ZNF473: variants seen among roughly 807,000 people sequenced by gnomAD.
ZNF473 encodes zinc finger protein 473.
A neutral mutation model predicts 11.1 loss-of-function variants in ZNF473; 4 were observed. That is an observed-to-expected ratio of 0.36 (90% CI 0.18 to 0.82). The LOEUF (loss-of-function observed/expected upper bound fraction) is 0.82. Ranked by LOEUF, ZNF473 falls within the 40% of genes least tolerant of loss-of-function variation. ZNF473 has a pLI of 0.49. For synonymous variants in ZNF473, 404 were observed against 390.4 expected, an observed-to-expected ratio of 1.03 and a Z score of -0.41; for missense variants, 854 against 1,084.0, an observed-to-expected ratio of 0.79 and a Z score of 2.98.
intron 1 of ZNF473, among the ~76,000 whole-genome samples, chr19:50,029,027 T>A (rs1422263943): frequency 2.6e-5 from 4 of 152,272 alleles, no homozygotes; most frequent in African/African-American, 7.2e-5. Flanking sequence ...GGGTATTTTT[T>A]AAATATAACT....
chr19:50,030,247 A>G (rs976916850), intron 1 of ZNF473, among the ~76,000 whole-genome samples: 12 of 152,308 alleles, frequency 7.9e-5, no homozygotes, highest in African/African-American at 2.6e-4. Context: ...GTGGCTCACA[A>G]CTGTAATCCC....
At chr19:50,044,569 C>A (rs1600761603) in intron 4 of ZNF473, 101 bp from the exon 5 acceptor site, 1 of 969,960 alleles carries the variant, frequency 1.0e-6, no homozygotes, top group Non-Finnish European at 1.6e-6. Context: ...CCCTTTGGGT[C>A]CCTTGATGGA....
rs774145648 is a variant in ZNF473, at chr19:50,039,235, G to A, written c.84G>A (p.Gly28=). 1.9e-5 allele frequency: 31 copies of A among 1,614,146 alleles called. No homozygotes were observed. The highest frequency in any genetic ancestry group is 2.6e-5 in the Non-Finnish European group (31 of 1,179,994). ...GDWEQLGLEQ[G]DTFWDTALDN... is the part of the protein sequence containing the mutation. ...GGGAGCAGCTCGGGCTGGAACAGGG[G>A]GACACGTTCTGGGACACAGCGTTGG... is the stretch of plus-strand genomic sequence containing the variant. The change falls in exon 3 of 5, where the codon GGG becomes GGA. Residue 28 remains glycine, a synonymous_variant. Transcript: ENST00000270617. The surrounding 1 kb of genome is among the most constrained non-coding windows in gnomAD (Gnocchi z 4.8).
In ZNF473 at chr19:50,044,856, C is replaced by T; in HGVS notation, c.413C>T (p.Ala138Val). Reference sequence around the variant, plus strand: ...GAAAGTCTTCTGAGGTCTGATATTGCCACCAACGGGGAAAGTCCCACGGAA... The same window carrying T: ...GAAAGTCTTCTGAGGTCTGATATTGTCACCAACGGGGAAAGTCCCACGGAA... ...DPESLLRSDI[A>V]TNGESPTECK... The change falls in exon 5 of 5, where the codon GCC (alanine) becomes GTC (valine). Residue 138 changes from alanine (A) to valine (V), a missense_variant. Physicochemically the swap from Ala to Val is moderately conservative, Grantham distance 64 (BLOSUM62 0). Coordinates refer to ENST00000270617, the MANE Select transcript of ZNF473 (RefSeq NM_015428.4). 4 of 1,614,186 alleles carry T rather than the reference C, an allele frequency of 2.5e-6. No homozygotes were observed. The highest frequency in any genetic ancestry group is 1.6e-4 in the Middle Eastern group (1 of 6,062).
At chr19:50,028,902 C>T (rs939824112) in intron 1 of ZNF473, among the ~76,000 whole-genome samples, 1 of 152,176 alleles carries the variant, frequency 6.6e-6, no homozygotes, top group Non-Finnish European at 1.5e-5. Flanking sequence ...GTAGAATTAG[C>T]ATTTATTGTA....
In ZNF473 at chr19:50,039,042, A is replaced by T; in HGVS notation, c.10-119A>T. 1.6e-6 allele frequency: 2 copies of T among 1,280,166 alleles called. No individual in the cohort carries two copies. The highest frequency in any genetic ancestry group is 2.2e-6 in the Non-Finnish European group (2 of 907,778). The allele number at this position is 1,280,166 out of a possible 1,614,324, so 79.3% of individuals were successfully genotyped here. On this transcript the variant is annotated intron_variant, in intron 2 of 4. Coordinates refer to ENST00000270617, the MANE Select transcript of ZNF473 (RefSeq NM_015428.4). The surrounding 1 kb of genome is among the most constrained non-coding windows in gnomAD (Gnocchi z 4.8). Reference sequence around the variant, plus strand: ...ACATCTCAAGATTCTTGTGAGGCTGAGGATGGGATGGTTTTTGCCAAAGCC... The same window carrying T: ...ACATCTCAAGATTCTTGTGAGGCTGTGGATGGGATGGTTTTTGCCAAAGCC...
intron 1 of ZNF473, among the ~76,000 whole-genome samples, chr19:50,027,536 C>T (rs1428840569): frequency 6.6e-6 from 1 of 152,040 alleles, no homozygotes; most frequent in Non-Finnish European, 1.5e-5. Flanking sequence ...CCTCCCAGAG[C>T]TGAGAGTATA....
At chr19:50,034,537 G>C (rs1217174552) in intron 2 of ZNF473, among the ~76,000 whole-genome samples, 2 of 151,664 alleles carry the variant, frequency 1.3e-5, no homozygotes, top group Non-Finnish European at 2.9e-5. Flanking sequence ...TCCTTCGTGG[G>C]CTCTGTCATA....
chr19:50,045,348 G>A lies in ZNF473; in HGVS notation c.905G>A (p.Ser302Asn), dbSNP rs753477699. Residue 302 changes from serine to asparagine, a missense_variant, in exon 5 of 5, where the codon AGT becomes AAT. This residue lies in a region of ZNF473 where 668 missense variants were observed against 790.2 expected (regional missense o/e 0.85). Transcript: ENST00000270617. Reference protein sequence around the residue: ...CKSQDSDHPPSHDTQPGEHQK... With the variant: ...CKSQDSDHPPNHDTQPGEHQK... ...AGTCAAGATAGTGACCACCCACCCA[G>A]TCATGACACACAGCCTGGTGAGCAT... 6.2e-7 allele frequency: 1 copy of A among 1,614,122 alleles called. No homozygotes were observed. The highest frequency in any genetic ancestry group is 8.5e-7 in the Non-Finnish European group (1 of 1,180,010).
Position 50,045,618 on chromosome 19 carries a change from A to G in ZNF473, c.1175A>G (p.Glu392Gly), listed in dbSNP as rs921736972. The G allele has an allele frequency of 4.3e-6, 7 of 1,614,056 alleles. No individual in the cohort carries two copies. In the African/African-American group the frequency reaches 8.0e-5, roughly 18 times the overall value. The change falls in exon 5 of 5, where the codon GAA becomes GGA. Residue 392 changes from glutamate (E) to glycine (G), a missense_variant. Coordinates refer to ENST00000270617, the MANE Select transcript of ZNF473 (RefSeq NM_015428.4). ...KIFRHSSLLI[E>G]HQALHAGEEP... ...TTTAGGCACAGTTCGCTGCTCATTGAACACCAGGCTCTTCATGCTGGAGAG... is the reference window on the plus strand; with the variant it reads ...TTTAGGCACAGTTCGCTGCTCATTGGACACCAGGCTCTTCATGCTGGAGAG...
In ZNF473 at chr19:50,039,362, G is replaced by GGTGAA. The variant is rs1978648964; in HGVS notation, c.136+78_136+82dup. 1 of 1,580,522 alleles carries GGTGAA rather than the reference G, an allele frequency of 6.3e-7. No homozygotes were observed. The highest frequency in any genetic ancestry group is 8.6e-7 in the Non-Finnish European group (1 of 1,158,132). On this transcript the variant is annotated intron_variant, in intron 3 of 4. Coordinates refer to ENST00000270617, the MANE Select transcript of ZNF473 (RefSeq NM_015428.4). This position sits in a 1 kb window ranked among gnomAD's most constrained non-coding sequence, Gnocchi z 4.8. Reference sequence around the variant, plus strand: ...CACCCATGCTCTCTACCACCCACAGGGTGAAGTCCTGGCTCCTGGGCTCCT... The same window carrying GGTGAA: ...CACCCATGCTCTCTACCACCCACAGGGTGAAGTGAAGTCCTGGCTCCTGGGCTCCT...
chr19:50,036,783 T>A (rs570076481), intron 2 of ZNF473, among the ~76,000 whole-genome samples: 20 of 152,298 alleles, frequency 1.3e-4, no homozygotes, highest in Admixed American at 1.3e-3. Flanking sequence ...TTGTGCCATT[T>A]TAGGGCTCTG....
chr19:50,041,896 C>G (rs1978797937), intron 4 of ZNF473, 77 bp downstream of exon 4: 3 of 1,200,440 alleles, frequency 2.5e-6, no homozygotes, highest in South Asian at 2.8e-5. Flanking sequence ...CCAGCTTTCC[C>G]ACAGGTCTAC....
intron 3 of ZNF473, among the ~76,000 whole-genome samples, chr19:50,040,871 GT>G (rs1277002072): frequency 1.3e-5 from 2 of 152,334 alleles, no homozygotes; most frequent in South Asian, 4.1e-4. Context: ...CTCGTGGGAG[GT>G]CCTACCTCAG....
chr19:50,033,788 C>A (rs1312910129), intron 2 of ZNF473, among the ~76,000 whole-genome samples: 3 of 152,150 alleles, frequency 2.0e-5, no homozygotes, highest in Non-Finnish European at 2.9e-5. Context: ...CTCCTGGCCG[C>A]ATCACTCTAA....
rs1308449202 is a variant in ZNF473 at position 50,039,250 on chromosome 19, C to T, written c.99C>T (p.Asp33=). ...LGLEQGDTFW[D]TALDNCQDLF... is the part of the protein sequence containing the mutation. The stretch of plus-strand genomic sequence containing the variant: ...TGGAACAGGGGGACACGTTCTGGGA[C>T]ACAGCGTTGGACAATTGCCAGGACC... Residue 33 remains aspartate (D), a synonymous_variant, in exon 3 of 5, where the codon GAC becomes GAT. Coordinates refer to ENST00000270617, the MANE Select transcript of ZNF473 (RefSeq NM_015428.4). This position sits in a 1 kb window ranked among gnomAD's most constrained non-coding sequence, Gnocchi z 4.8. 1.5e-5 allele frequency: 25 copies of T among 1,614,164 alleles called. No individual in the cohort carries two copies. The highest frequency in any genetic ancestry group is 2.0e-5 in the Non-Finnish European group (24 of 1,180,022).
At chr19:50,041,845 G>A (rs1325006414) in intron 4 of ZNF473, 26 bp downstream of exon 4, 4 of 1,581,826 alleles carry the variant, frequency 2.5e-6, no homozygotes, top group East Asian at 2.3e-5. Flanking sequence ...GGGGCCCCTT[G>A]TGTACCTTCT....
In ZNF473 at chr19:50,046,423, CCT is replaced by C; in HGVS notation, c.1984_1985del (p.Ser662LysfsTer13). 1 of 1,614,216 alleles carries C rather than the reference CCT, an allele frequency of 6.2e-7. No homozygotes were observed. The highest frequency in any genetic ancestry group is 8.5e-7 in the Non-Finnish European group (1 of 1,180,040). On this transcript the variant is annotated frameshift_variant, in exon 5 of 5. Transcript: ENST00000270617. LOFTEE classifies it low-confidence loss of function (END_TRUNC). This position sits in a 1 kb window ranked among gnomAD's most constrained non-coding sequence, Gnocchi z 5.9. ...GAAAGACCTTCAGCCACAGTGCACA[CCT>C]CTCAAAACATCAGTTAATTCACGCT... Reference protein sequence around the residue: ...CGKTFSHSAHLSKHQLIHAGE... With the variant: ...CGKTFSHSAHXSKHQLIHAGE...
chr19:50,029,680 G>A (rs2077307239), intron 1 of ZNF473, among the ~76,000 whole-genome samples: 2 of 152,150 alleles, frequency 1.3e-5, no homozygotes, highest in African/African-American at 4.8e-5. Flanking sequence ...GTACAGTTTT[G>A]CGTATTATGG....
Sources: gnomAD v4.1 joint callset for allele counts (sites outside exome capture counted in the v4.1 genomes callset) on GRCh38, gnomAD v4.1.1 for gene constraint, gnomAD v4.1.1 regional missense constraint, Gnocchi (gnomAD v3.1) non-coding constraint, MANE v1.5 for transcripts, NCBI Gene and HGNC (gene_info 2026-07-23, HGNC 2026-07-21) for gene names.